PARP8: variants seen among roughly 807,000 people sequenced by gnomAD.
The protein encoded by PARP8 is poly(ADP-ribose) polymerase family member 8, also known as protein mono-ADP-ribosyltransferase PARP8.
In PARP8, 51 loss-of-function variants were observed where a neutral mutation model predicts 124.1. The ratio of observed to expected loss-of-function variants is 0.41; its 90% CI spans 0.33 to 0.52. The LOEUF is 0.52. Ranked by LOEUF, PARP8 falls within the 20% of genes least tolerant of loss-of-function variation. PARP8 has a pLI of 0.21. For missense variants in PARP8, 860 were observed against 1,018.9 expected (o/e 0.84, Z 2.12); for synonymous variants, 391 against 361.5 (o/e 1.08, Z -0.93).
At chr5:50,686,996 A>G (rs1240092818) in intron 2 of PARP8, among the ~76,000 whole-genome samples, 1 of 152,174 alleles carries the variant, frequency 6.6e-6, no homozygotes, top group Non-Finnish European at 1.5e-5. Flanking sequence ...GGGGATTAAC[A>G]TTCGGCTTCT....
chr5:50,781,365 A>C (rs1229710595), intron 9 of PARP8, among the ~76,000 whole-genome samples: 2 of 152,158 alleles, frequency 1.3e-5, no homozygotes, highest in Admixed American at 1.3e-4. Flanking sequence ...TTTTATTCCT[A>C]TAGATGGAGT....
intron 2 of PARP8, among the ~76,000 whole-genome samples, chr5:50,677,875 C>T (rs1209495066): frequency 1.3e-5 from 2 of 151,408 alleles, no homozygotes; most frequent in Admixed American, 6.6e-5. Context: ...AGGTATCTTT[C>T]TGAAGGCAAA....
chr5:50,722,685 G>A (rs1371842582), intron 2 of PARP8, among the ~76,000 whole-genome samples: 1 of 152,052 alleles, frequency 6.6e-6, no homozygotes, highest in Non-Finnish European at 1.5e-5. Context: ...AATGGGATTT[G>A]GTGAAAATAG....
chr5:50,737,317 G>A (rs1003704041), intron 2 of PARP8, among the ~76,000 whole-genome samples: 19 of 152,046 alleles, frequency 1.2e-4, no homozygotes, highest in Admixed American at 8.5e-4. Context: ...GATAGCCTTG[G>A]TTACCAAATA....
At chr5:50,747,943 T>G (rs1758795724) in intron 2 of PARP8, among the ~76,000 whole-genome samples, 1 of 151,800 alleles carries the variant, frequency 6.6e-6, no homozygotes, top group East Asian at 1.9e-4. Context: ...CGGCTAATTT[T>G]TTTTGTATTT....
At position 50,787,746 on chromosome 5, in the gene PARP8, A is replaced by C. The variant is rs181152643; in HGVS notation, c.671-777A>C. ...CTTTTTTGAGAGAAGTTATTAATTTAATTAATATAGTTACTGATTTAAAGA... is the reference window on the plus strand; with the variant it reads ...CTTTTTTGAGAGAAGTTATTAATTTCATTAATATAGTTACTGATTTAAAGA... On this transcript the variant is annotated intron_variant, in intron 9 of 25. Transcript: ENST00000281631. 2.0e-5 allele frequency among the ~76,000 whole-genome samples: 3 copies of C among 151,964 alleles called. No homozygotes were observed. The East Asian group carries it at 5.8e-4, about 29-fold the overall frequency.
intron 2 of PARP8, among the ~76,000 whole-genome samples, chr5:50,717,762 C>A (rs759819083): frequency 1.6e-4 from 24 of 151,890 alleles, no homozygotes; most frequent in Non-Finnish European, 2.6e-4. Context: ...TGAATCTTTG[C>A]ACATGAGGTA....
intron 2 of PARP8, among the ~76,000 whole-genome samples, chr5:50,748,704 A>C (rs1758885934): frequency 6.6e-6 from 1 of 151,922 alleles, no homozygotes; most frequent in South Asian, 2.1e-4. Context: ...GGTTCTTATC[A>C]CTGTTTCCTT....
At chr5:50,791,897 AT>A (rs1741999448) in intron 10 of PARP8, among the ~76,000 whole-genome samples, 1 of 152,218 alleles carries the variant, frequency 6.6e-6, no homozygotes, top group Admixed American at 6.5e-5. Context: ...TGAAATTCAA[AT>A]TAATACCATT....
At position 50,694,956 on chromosome 5, in the gene PARP8, C is replaced by T. The variant is rs544369688; in HGVS notation, c.146+26831C>T. Among the ~76,000 whole-genome samples the T allele has an allele frequency of 2.6e-5, 4 of 152,246 alleles. No individual in the cohort carries two copies. The South Asian group carries it at 8.3e-4, about 32-fold the overall frequency. On this transcript the variant is annotated intron_variant, in intron 2 of 25. Coordinates refer to ENST00000281631, the MANE Select transcript of PARP8 (RefSeq NM_024615.4). ...GTTTGAGGGCAGGAAGCATCCAGCA[C>T]AGGAGAAAGATGAAGGCTGGAAGAT...
At chr5:50,700,015 AACTAG>A (rs531868632) in intron 2 of PARP8, among the ~76,000 whole-genome samples, 4 of 152,296 alleles carry the variant, frequency 2.6e-5, no homozygotes, top group African/African-American at 9.6e-5. Flanking sequence ...TAGTGAAGTA[AACTAG>A]ACTAAATAGT....
chr5:50,815,294 T>C (rs897874347), intron 14 of PARP8, 138 bp from the exon 15 acceptor site: 4 of 550,508 alleles, frequency 7.3e-6, no homozygotes, highest in Non-Finnish European at 1.2e-5. Flanking sequence ...ATTTATTTCG[T>C]ATTAAAATGG....
chr5:50,704,226 C>T (rs1186708165), intron 2 of PARP8, among the ~76,000 whole-genome samples: 5 of 152,058 alleles, frequency 3.3e-5, no homozygotes, highest in African/African-American at 1.2e-4. Context: ...ATATTTATTA[C>T]TTCTTGTGGC....
intron 2 of PARP8, among the ~76,000 whole-genome samples, chr5:50,730,003 CT>C (rs1254114507): frequency 6.6e-6 from 1 of 152,104 alleles, no homozygotes; most frequent in Non-Finnish European, 1.5e-5. Flanking sequence ...ATTTTAAATG[CT>C]TTCTTAAAGT....
At chr5:50,737,804 G>A (rs1217766063) in intron 2 of PARP8, among the ~76,000 whole-genome samples, 1 of 152,120 alleles carries the variant, frequency 6.6e-6, no homozygotes, top group Non-Finnish European at 1.5e-5. Context: ...CATACACACG[G>A]CTGTCTTAGA....
chr5:50,719,605 T>G (rs1402584242), intron 2 of PARP8, among the ~76,000 whole-genome samples: 1 of 152,108 alleles, frequency 6.6e-6, no homozygotes, highest in African/African-American at 2.4e-5. Flanking sequence ...ATGTATGTCC[T>G]TGGCACCTTT....
chr5:50,703,938 T>G (rs1407135809), intron 2 of PARP8, among the ~76,000 whole-genome samples: 2 of 152,136 alleles, frequency 1.3e-5, no homozygotes, highest in East Asian at 3.9e-4. Flanking sequence ...TTTTCCATAT[T>G]TAAACATGAT....
intron 2 of PARP8, among the ~76,000 whole-genome samples, chr5:50,695,007 G>A (rs942441473): frequency 3.9e-5 from 6 of 152,140 alleles, no homozygotes; most frequent in African/African-American, 7.2e-5. Context: ...TGTTCTAGCC[G>A]TGCTGGTAGT....
intron 9 of PARP8, among the ~76,000 whole-genome samples, chr5:50,787,496 A>T (rs1741395575): frequency 1.3e-5 from 2 of 152,192 alleles, no homozygotes; most frequent in Non-Finnish European, 2.9e-5. Flanking sequence ...CATAGCCTGC[A>T]GCCCATATAT....
Sources: allele counts gnomAD v4.1 joint callset (sites outside exome capture counted in the v4.1 genomes callset), GRCh38; gene constraint gnomAD v4.1.1; transcripts MANE v1.5; gene names NCBI Gene and HGNC (gene_info 2026-07-23, HGNC 2026-07-21).